The following SLC12A9 variants were observed in gnomAD, a reference collection of about 807,000 sequenced individuals.
The protein encoded by SLC12A9 is CCC-interacting protein 1.
In SLC12A9, 55 loss-of-function variants were observed where a neutral mutation model predicts 66.0. That is an observed-to-expected ratio of 0.83 (90% CI 0.67 to 1.04). SLC12A9 has a LOEUF of 1.04. Among genes scored for constraint, SLC12A9 ranks in the 50% least tolerant of loss-of-function variants. The pLI is 0.00. For synonymous variants in SLC12A9, 577 were observed against 569.0 expected (o/e 1.01, Z -0.20); for missense variants, 1,061 against 1,241.9 (o/e 0.85, Z 2.19).
intron 1 of SLC12A9, among the ~76,000 whole-genome samples, chr7:100,845,574 C>T (rs928256964): frequency 6.6e-6 from 1 of 152,166 alleles, no homozygotes; most frequent in Non-Finnish European, 1.5e-5. Context: ...TGGTCTCGAT[C>T]TCCTGCCCTT....
chr7:100,857,149 A>T lies in SLC12A9; in HGVS notation c.730A>T (p.Ser244Cys). ...PRFGHFTGFN[S>C]STLKDNLGAG... ...GTTTGGCCACTTCACCGGCTTCAAC[A>T]GCAGTACCCTGAAGGACAACTTGGG... The change falls in exon 5 of 14, where the codon AGC (serine) becomes TGC (cysteine). Residue 244 changes from serine (S) to cysteine (C), a missense_variant. By Grantham distance (112) the Ser-to-Cys change is moderately radical. Transcript: ENST00000354161. 1 of 1,613,602 alleles carries T rather than the reference A, an allele frequency of 6.2e-7. No individual in the cohort carries two copies.
At chr7:100,851,008 G>A (rs763778992), upstream of SLC12A9, among the ~76,000 whole-genome samples, 2 of 151,800 alleles carry the variant, frequency 1.3e-5, no homozygotes, top group Non-Finnish European at 2.9e-5. Flanking sequence ...GTGAGCCACC[G>A]TGCCTGGCCC....
intron 1 of SLC12A9, among the ~76,000 whole-genome samples, chr7:100,843,300 T>C (rs574899899): frequency 6.6e-6 from 1 of 152,254 alleles, no homozygotes; most frequent in East Asian, 1.9e-4. Flanking sequence ...CCATGAGGAA[T>C]ACCAGATCAA....
At chr7:100,854,852 A>T (rs1584693271) in intron 3 of SLC12A9, 98 bp downstream of exon 3, 2 of 1,512,218 alleles carry the variant, frequency 1.3e-6, no homozygotes, top group East Asian at 4.6e-5. Context: ...GGGCAAGACA[A>T]GTGTTTTTTT....
intron 7 of SLC12A9, chr7:100,859,548 C>T (rs927020790): frequency 8.1e-6 from 3 of 371,936 alleles, no homozygotes; most frequent in Non-Finnish European, 9.9e-6. Context: ...AGAGCCTCCC[C>T]CCAAATACAA....
intron 7 of SLC12A9, 124 bp downstream of exon 7, chr7:100,859,285 C>T (rs1280177163): frequency 4.6e-6 from 4 of 876,132 alleles, no homozygotes; most frequent in East Asian, 2.4e-5. Context: ...GGGTGGCTAC[C>T]GGCGATTGAC....
chr7:100,862,631 A>G lies in SLC12A9; in HGVS notation c.1712-50A>G, dbSNP rs745435715. ...GTCTGTGATTTGGACTCTAGGAGAC[A>G]TTGAGTTTGGACAACACTGGCTACC... On this transcript the variant is annotated intron_variant, in intron 12 of 13. Coordinates refer to ENST00000354161, the MANE Select transcript of SLC12A9 (RefSeq NM_020246.4). 7 of 1,606,294 alleles carry G rather than the reference A, an allele frequency of 4.4e-6. No homozygotes were observed. In the East Asian group the frequency reaches 1.1e-4, roughly 26 times the overall value.
At chr7:100,848,912 G>GAAAGA (rs558529124), upstream of SLC12A9, among the ~76,000 whole-genome samples, 115 of 47,182 alleles carry the variant, frequency 2.4e-3, 2 homozygotes, top group African/African-American at 7.9e-3. Context: ...AGAAAGAAAA[G>GAAAGA]AAAGAAAGAA....
rs774281438 is a variant in SLC12A9, at chr7:100,862,683, T to C, written c.1714T>C (p.Ser572Pro). The change falls in exon 13 of 14, where the codon TCC becomes CCC. Residue 572 changes from serine to proline, a missense_variant and splice_region_variant. Physicochemically the swap from Ser to Pro is moderately conservative, Grantham distance 74. Transcript: ENST00000354161. ...TCCTTTCCTTATCTTCTCTGTAGACTCCCTGCCCTCGGACCCTGTACAGCC... is the reference window on the plus strand; with the variant it reads ...TCCTTTCCTTATCTTCTCTGTAGACCCCCTGCCCTCGGACCCTGTACAGCC... Reference protein sequence around the residue: ...LGHVTLGDLDSLPSDPVQPQY... With the variant: ...LGHVTLGDLDPLPSDPVQPQY... 12 of 1,614,146 alleles carry C rather than the reference T, an allele frequency of 7.4e-6. No homozygotes were observed. The highest frequency in any genetic ancestry group is 1.1e-5 in the South Asian group (1 of 91,082).
chr7:100,834,127 C>G (rs1272325766), intron 1 of SLC12A9, among the ~76,000 whole-genome samples: 3 of 152,038 alleles, frequency 2.0e-5, no homozygotes, highest in Admixed American at 6.6e-5. Context: ...ACGCAGGAAG[C>G]ACAGCCGATG....
At chr7:100,833,379 G>A (rs1364636210) in intron 1 of SLC12A9, among the ~76,000 whole-genome samples, 2 of 152,064 alleles carry the variant, frequency 1.3e-5, no homozygotes, top group African/African-American at 4.8e-5. Flanking sequence ...TGAGGCACGA[G>A]AATTGCTTGA....
chr7:100,838,107 C>T (rs1338880326), intron 1 of SLC12A9, among the ~76,000 whole-genome samples: 1 of 151,700 alleles, frequency 6.6e-6, no homozygotes, highest in African/African-American at 2.4e-5. Context: ...GTGATCTGCC[C>T]GCCTCAGCCT....
Position 100,859,892 on chromosome 7 carries a change from C to T in SLC12A9, c.985C>T (p.Leu329=), listed in dbSNP as rs1229172965. Residue 329 remains leucine, a synonymous_variant, in exon 8 of 14, where the codon CTG becomes TTG. Transcript: ENST00000354161. ...CCTTTTCCTCCTTCCTAGGACCCTGCTGCAGGAAGACTATGGGTTCTTCCG... is the reference window on the plus strand; with the variant it reads ...CCTTTTCCTCCTTCCTAGGACCCTGTTGCAGGAAGACTATGGGTTCTTCCG... The part of the protein sequence containing the change: ...LSSFTCDRTL[L]QEDYGFFRAI... The T allele has an allele frequency of 1.3e-6, 2 of 1,599,604 alleles. No homozygotes were observed. Among genetic ancestry groups the T allele is most frequent in the Admixed American group, 3.3e-5 (2 of 59,734 alleles).
chr7:100,844,423 GAGGTGCCCAA>G (rs1813858416), intron 1 of SLC12A9, among the ~76,000 whole-genome samples: 1 of 152,134 alleles, frequency 6.6e-6, no homozygotes, highest in Non-Finnish European at 1.5e-5. Context: ...AGAAGAAAAA[GAGGTGCCCAA>G]ACAAGTCACG....
rs200018649 is a variant in SLC12A9, at chr7:100,866,210, C to G, written c.2350C>G (p.Arg784Gly). ...PREAPGAAEG[R>G]LRALLSQLRI... ...GGAGGCGCCTGGGGCGGCCGAGGGG[C>G]GGCTGCGGGCACTGCTGAGCCAACT... The change falls in exon 14 of 14, where the codon CGG (arginine) becomes GGG (glycine). Residue 784 changes from arginine to glycine, a missense_variant. Physicochemically the swap from Arg to Gly is moderately radical, Grantham distance 125. Coordinates refer to ENST00000354161, the MANE Select transcript of SLC12A9 (RefSeq NM_020246.4). The surrounding 1 kb of genome is among the most constrained non-coding windows in gnomAD (Gnocchi z 7.3). 1.9e-6 allele frequency: 3 copies of G among 1,588,642 alleles called. No homozygotes were observed. Among genetic ancestry groups the G allele is most frequent in the Non-Finnish European group, 2.6e-6 (3 of 1,166,654 alleles).
chr7:100,866,554 C>A lies in SLC12A9; in HGVS notation c.2694C>A (p.Gly898=). ...TGGAGACTCTAACCCGAGACCTGGG[C>A]CCCACGCTGCTGGTTCATGGGGTCA... ...ALLETLTRDL[G]PTLLVHGVTP... Residue 898 remains glycine, a synonymous_variant, in exon 14 of 14, where the codon GGC becomes GGA. Transcript: ENST00000354161. This position sits in a 1 kb window ranked among gnomAD's most constrained non-coding sequence, Gnocchi z 7.3. 1 of 1,587,504 alleles carries A rather than the reference C, an allele frequency of 6.3e-7. No individual in the cohort carries two copies. Among genetic ancestry groups the A allele is most frequent in the Admixed American group, 1.8e-5 (1 of 55,750 alleles).
At chr7:100,865,680 G>C (rs768740389) in intron 13 of SLC12A9, 39 bp from the exon 14 acceptor site, 2 of 1,573,276 alleles carry the variant, frequency 1.3e-6, no homozygotes, top group South Asian at 1.2e-5. Flanking sequence ...CTGTGAGCCT[G>C]ACTCCTGTCT....
chr7:100,843,032 G>A (rs1441801881), intron 1 of SLC12A9, among the ~76,000 whole-genome samples: 2 of 152,250 alleles, frequency 1.3e-5, no homozygotes, highest in Non-Finnish European at 2.9e-5. Context: ...GGGATGCGAT[G>A]AGCTTAAGAA....
At chr7:100,833,932 CAAAAAAAAAAAA>C (rs60667059) in intron 1 of SLC12A9, among the ~76,000 whole-genome samples, 8 of 63,070 alleles carry the variant, frequency 1.3e-4, no homozygotes, top group African/African-American at 1.8e-4. Context: ...GACTCTGTCT[CAAAAAAAAAAAA>C]AAAAAAAAAA....
Sources: allele counts gnomAD v4.1 joint callset (sites outside exome capture counted in the v4.1 genomes callset), GRCh38; gene constraint gnomAD v4.1.1; non-coding constraint Gnocchi (gnomAD v3.1); transcripts MANE v1.5; gene names NCBI Gene and HGNC (gene_info 2026-07-23, HGNC 2026-07-21).